Variants in FUT9 observed in about 807,000 individuals in gnomAD.
FUT9 encodes the protein 4-galactosyl-N-acetylglucosaminide 3-alpha-L-fucosyltransferase 9.
FUT9 carries 15 observed loss-of-function variants against 29.7 expected under a neutral mutation model. The ratio of observed to expected loss-of-function variants is 0.51; its 90% CI spans 0.34 to 0.78. FUT9 has a LOEUF of 0.78. FUT9 is among the 30% of genes least tolerant of loss of function. The probability of loss-of-function intolerance (pLI) is 0.01; values close to 1 mark genes in which losing one functional copy is unlikely to be tolerated. For missense variants in FUT9, 319 were observed against 425.4 expected, an observed-to-expected ratio of 0.75 and a Z score of 2.20; for synonymous variants, 169 against 153.7, an observed-to-expected ratio of 1.10 and a Z score of -0.74.
At chr6:96,089,120 G>T (rs1049973887) in intron 1 of FUT9, among the ~76,000 whole-genome samples, 1 of 152,098 alleles carries the variant, frequency 6.6e-6, no homozygotes, top group Non-Finnish European at 1.5e-5. Context: ...ACTATTCCTG[G>T]CCATATGTGA....
At chr6:96,032,501 T>A (rs1428405825) in intron 1 of FUT9, among the ~76,000 whole-genome samples, 1 of 151,698 alleles carries the variant, frequency 6.6e-6, no homozygotes, top group Non-Finnish European at 1.5e-5. Context: ...TCAAATATGC[T>A]TGTATACTAC....
At chr6:96,041,206 G>A (rs1489035765) in intron 1 of FUT9, among the ~76,000 whole-genome samples, 2 of 151,598 alleles carry the variant, frequency 1.3e-5, no homozygotes, top group African/African-American at 2.4e-5. Flanking sequence ...CAGGGTTTAT[G>A]TGTCCACAAA....
chr6:96,126,562 C>T (rs140200652), intron 2 of FUT9, among the ~76,000 whole-genome samples: 2 of 152,350 alleles, frequency 1.3e-5, no homozygotes, highest in Non-Finnish European at 2.9e-5. Flanking sequence ...TTTTGCTATT[C>T]TGTAGATCCA....
At chr6:96,142,132 G>A (rs1193742548) in intron 2 of FUT9, among the ~76,000 whole-genome samples, 1 of 152,136 alleles carries the variant, frequency 6.6e-6, no homozygotes, top group Non-Finnish European at 1.5e-5. Context: ...TAATTTCAGA[G>A]GTTGAACAGG....
chr6:96,040,069 C>G (rs1355642396), intron 1 of FUT9, among the ~76,000 whole-genome samples: 1 of 151,968 alleles, frequency 6.6e-6, no homozygotes, highest in Non-Finnish European at 1.5e-5. Flanking sequence ...ATTTATCATA[C>G]CATGTATGTG....
chr6:96,139,020 A>C (rs1360746875), intron 2 of FUT9, among the ~76,000 whole-genome samples: 1 of 152,224 alleles, frequency 6.6e-6, no homozygotes, highest in African/African-American at 2.4e-5. Context: ...AAAAATGACC[A>C]GCAGATAGAA....
At chr6:96,085,793 A>G (rs1771306688) in intron 1 of FUT9, among the ~76,000 whole-genome samples, 1 of 152,052 alleles carries the variant, frequency 6.6e-6, no homozygotes, top group East Asian at 1.9e-4. Flanking sequence ...TCCACAATGT[A>G]CTCTACTTCA....
At chr6:96,160,681 C>A (rs78712301) in intron 2 of FUT9, among the ~76,000 whole-genome samples, 102 of 152,028 alleles carry the variant, frequency 6.7e-4, no homozygotes, top group African/African-American at 2.3e-3. Flanking sequence ...TTCACAAATT[C>A]GCTATCATAG....
Position 96,213,456 on chromosome 6 carries a change from G to T in FUT9, c.*9221G>T, listed in dbSNP as rs1773977542. 1 of 166,728 alleles carries T rather than the reference G, an allele frequency of 6.0e-6. No homozygotes were observed. The highest frequency in any genetic ancestry group is 6.6e-5 in the Admixed American group (1 of 15,242). 10.3% of individuals were successfully genotyped at this position (166,728 alleles called of 1,614,324 possible). ...TCCATAAATTATTTGGATGGTAATTGTATGTTTTATTAATGTGATGTAATT... is the reference window on the plus strand; with the variant it reads ...TCCATAAATTATTTGGATGGTAATTTTATGTTTTATTAATGTGATGTAATT... On this transcript the variant is annotated 3_prime_UTR_variant, in exon 3 of 3. Coordinates refer to ENST00000302103, the MANE Select transcript of FUT9 (RefSeq NM_006581.4).
rs1381753279 is a variant in FUT9, at chr6:96,203,129, G to A, written c.-8-19G>A. 7.7e-6 allele frequency: 12 copies of A among 1,558,712 alleles called. No individual in the cohort carries two copies. The highest frequency in any genetic ancestry group is 1.0e-5 in the Non-Finnish European group (12 of 1,147,274). On this transcript the variant is annotated intron_variant, in intron 2 of 2. Transcript: ENST00000302103. ...CATTCCCACCGCTACCTCCCCTTCT[G>A]TCTTTCTCTATTTCGTAGGAAAAAT...
At chr6:96,036,603 A>T (rs1313408984) in intron 1 of FUT9, 1 of 151,960 alleles carries the variant, frequency 6.6e-6, no homozygotes, top group Non-Finnish European at 1.5e-5. Context: ...GATTGTTATT[A>T]ACTCAAATAT....
chr6:96,165,775 C>G (rs1183545587), intron 2 of FUT9, among the ~76,000 whole-genome samples: 2 of 151,918 alleles, frequency 1.3e-5, no homozygotes, highest in Non-Finnish European at 2.9e-5. Context: ...ACCACCATGC[C>G]TGGTTAATTT....
chr6:96,081,427 C>T (rs1454074953), intron 1 of FUT9, among the ~76,000 whole-genome samples: 1 of 151,850 alleles, frequency 6.6e-6, no homozygotes, highest in African/African-American at 2.4e-5. Context: ...TTTCTCTCCA[C>T]ATCTTGATTG....
At chr6:96,140,475 A>C (rs1772442154) in intron 2 of FUT9, among the ~76,000 whole-genome samples, 1 of 152,184 alleles carries the variant, frequency 6.6e-6, no homozygotes, top group Non-Finnish European at 1.5e-5. Context: ...CACCTGTAGC[A>C]GTAAACTGGT....
At chr6:96,171,248 A>G (rs536528112) in intron 2 of FUT9, among the ~76,000 whole-genome samples, 1 of 152,244 alleles carries the variant, frequency 6.6e-6, no homozygotes, top group South Asian at 2.1e-4. Context: ...GTCAGTTCCA[A>G]CCCGCATTTG....
In FUT9 at chr6:96,071,833, C is replaced by T. The variant is rs573676495; in HGVS notation, c.-97-42206C>T. The stretch of plus-strand genomic sequence containing the variant: ...TTTCTTTTGTAGAGACAGGGTTCCA[C>T]TATGTTACCCAGGCTGGTCTCAAAC... On this transcript the variant is annotated intron_variant, in intron 1 of 2. Coordinates refer to ENST00000302103, the MANE Select transcript of FUT9 (RefSeq NM_006581.4). Among the ~76,000 whole-genome samples the T allele has an allele frequency of 2.0e-5, 3 of 152,066 alleles. No individual in the cohort carries two copies. The East Asian group carries it at 5.8e-4, about 29-fold the overall frequency.
At chr6:96,079,198 C>T (rs948573057) in intron 1 of FUT9, among the ~76,000 whole-genome samples, 3 of 152,138 alleles carry the variant, frequency 2.0e-5, no homozygotes, top group Admixed American at 2.0e-4. Context: ...CTAGGAAACA[C>T]CAGATTTATA....
At chr6:96,192,640 T>C (rs1478869240) in intron 2 of FUT9, among the ~76,000 whole-genome samples, 15 of 152,100 alleles carry the variant, frequency 9.9e-5, no homozygotes, top group Admixed American at 4.6e-4. Context: ...AGGTAATTTA[T>C]AGATTCAATG....
intron 2 of FUT9, among the ~76,000 whole-genome samples, chr6:96,129,565 T>C (rs1772203807): frequency 6.6e-6 from 1 of 151,982 alleles, no homozygotes; most frequent in African/African-American, 2.4e-5. Context: ...ATCATATATA[T>C]GTATAAATAT....
Sources: allele counts gnomAD v4.1 joint callset (sites outside exome capture counted in the v4.1 genomes callset), GRCh38; gene constraint gnomAD v4.1.1; transcripts MANE v1.5; gene names NCBI Gene and HGNC (gene_info 2026-07-23, HGNC 2026-07-21).